Variants in GGH observed in about 807,000 individuals in gnomAD.
GGH encodes the protein gamma-Glu-X carboxypeptidase.
Under a neutral mutation model 39.2 loss-of-function variants are expected in GGH, and 18 were observed. The ratio of observed to expected loss-of-function variants is 0.46; its 90% confidence interval spans 0.32 to 0.68. The LOEUF is 0.68. Ranked by LOEUF, GGH falls within the 30% of genes least tolerant of loss-of-function variation. GGH has a pLI of 0.04. For missense variants in GGH, 367 were observed against 384.1 expected, an observed-to-expected ratio of 0.96 and a Z score of 0.37; for synonymous variants, 147 against 138.8, an observed-to-expected ratio of 1.06 and a Z score of -0.42.
chr8:63,023,485 A>C (rs1224528723), intron 7 of GGH: 1 of 153,356 alleles, frequency 6.5e-6, no homozygotes, highest in Non-Finnish European at 1.4e-5. Context: ...CACTGGTTTA[A>C]ATATTCCACT....
chr8:63,020,473 A>G (rs1332311036), intron 7 of GGH, among the ~76,000 whole-genome samples: 1 of 152,210 alleles, frequency 6.6e-6, no homozygotes, highest in Non-Finnish European at 1.5e-5. Flanking sequence ...TAGAGGGATG[A>G]CAGAACAAGA....
chr8:63,034,495 T>G (rs565161593), intron 2 of GGH, among the ~76,000 whole-genome samples: 3 of 152,282 alleles, frequency 2.0e-5, no homozygotes, highest in African/African-American at 7.2e-5. Flanking sequence ...ATGTGTGAAA[T>G]CACTCAAAAT....
At chr8:63,018,412 G>A (rs964015753) in intron 7 of GGH, among the ~76,000 whole-genome samples, 1 of 152,134 alleles carries the variant, frequency 6.6e-6, no homozygotes, top group Non-Finnish European at 1.5e-5. Flanking sequence ...CTTTGGAATT[G>A]TAACCATGAC....
intron 3 of GGH, among the ~76,000 whole-genome samples, chr8:63,029,506 T>C (rs1302884555): frequency 2.0e-5 from 3 of 152,178 alleles, no homozygotes; most frequent in South Asian, 4.1e-4. Context: ...TAAGTCTTCA[T>C]GCAAGGTGGG....
rs374588826 is a variant in GGH at position 63,024,072 on chromosome 8, T to C, written c.606+8A>G. 6 of 1,568,844 alleles carry C rather than the reference T, an allele frequency of 3.8e-6. No individual in the cohort carries two copies. The African/African-American group carries it at 6.8e-5, about 18-fold the overall frequency. On this transcript the variant is annotated splice_region_variant and intron_variant, in intron 6 of 8. Coordinates refer to ENST00000260118, the MANE Select transcript of GGH (RefSeq NM_003878.3). ...CATATTAATTTCATTGTGTAATTAG[T>C]GTGATACCTTCACGGAGAGGCTCCA...
chr8:63,028,467 C>T (rs1804738082), intron 3 of GGH: 1 of 152,166 alleles, frequency 6.6e-6, no homozygotes, highest in Non-Finnish European at 1.5e-5. Context: ...ATATGACAAA[C>T]TCCTTAAAGC....
At chr8:63,028,963 T>A (rs1563669500) in intron 3 of GGH, among the ~76,000 whole-genome samples, 2 of 152,224 alleles carry the variant, frequency 1.3e-5, no homozygotes, top group African/African-American at 4.8e-5. Context: ...CCAAAGTACC[T>A]TGCACACAGC....
Position 63,027,268 on chromosome 8 carries a change from G to A in GGH, c.276-3C>T. ...CACTTCCTCCAGGGAAAAGGATTCTGAAACAACGTTACATAAATCAAATAG... is the reference window on the plus strand; with the variant it reads ...CACTTCCTCCAGGGAAAAGGATTCTAAAACAACGTTACATAAATCAAATAG... On this transcript the variant is annotated splice_polypyrimidine_tract_variant and splice_region_variant and intron_variant, in intron 3 of 8. Transcript: ENST00000260118. 1.3e-6 allele frequency: 2 copies of A among 1,564,558 alleles called. No homozygotes were observed. Among genetic ancestry groups the A allele is most frequent in the Middle Eastern group, 1.7e-4 (1 of 5,992 alleles).
chr8:63,024,121 G>T lies in GGH; in HGVS notation c.565C>A (p.Pro189Thr). 1 of 1,610,190 alleles carries T rather than the reference G, an allele frequency of 6.2e-7. No individual in the cohort carries two copies. Among genetic ancestry groups the T allele is most frequent in the Non-Finnish European group, 8.5e-7 (1 of 1,176,596 alleles). Reference protein sequence around the residue: ...TELLLSLAVEPLTANFHKWSL... With the variant: ...TELLLSLAVETLTANFHKWSL... Reference sequence around the variant, plus strand: ...CACTTATGGAAATTGGCAGTCAGAGGTTCTACTGCTAATGACAGCAACAAC... The same window carrying T: ...CACTTATGGAAATTGGCAGTCAGAGTTTCTACTGCTAATGACAGCAACAAC... The change falls in exon 6 of 9, where the codon CCT becomes ACT. Residue 189 changes from proline to threonine, a missense_variant. Physicochemically the swap from Pro to Thr is conservative, Grantham distance 38. Coordinates refer to ENST00000260118, the MANE Select transcript of GGH (RefSeq NM_003878.3).
chr8:63,017,548 AT>A lies in GGH; in HGVS notation c.779del (p.His260LeufsTer6). On this transcript the variant is annotated frameshift_variant, in exon 8 of 9. Transcript: ENST00000260118. LOFTEE classifies it high-confidence loss of function. ...YEWKNLDGIS[H>X]APNAVKTAFY... Reference sequence around the variant, plus strand: ...ATGCGGTTTTCACAGCATTAGGTGCATGGGAAATGCCATCCAAATTCTTCCA... The same window carrying A: ...ATGCGGTTTTCACAGCATTAGGTGCAGGGAAATGCCATCCAAATTCTTCCA... 6.2e-7 allele frequency: 1 copy of A among 1,611,470 alleles called. No individual in the cohort carries two copies. The highest frequency in any genetic ancestry group is 1.1e-5 in the South Asian group (1 of 91,022).
chr8:63,036,770 G>A (rs562829313), intron 1 of GGH, among the ~76,000 whole-genome samples: 2 of 152,288 alleles, frequency 1.3e-5, no homozygotes, highest in African/African-American at 2.4e-5. Flanking sequence ...TGCCTGTCAC[G>A]TTGCAAGGAA....
In GGH at chr8:63,038,775, C is replaced by G. The variant is rs912566113; in HGVS notation, c.-7G>C. 1 of 1,467,250 alleles carries G rather than the reference C, an allele frequency of 6.8e-7. No individual in the cohort carries two copies. The highest frequency in any genetic ancestry group is 1.3e-5 in the South Asian group (1 of 78,844). 90.9% of individuals were successfully genotyped at this position (1,467,250 alleles called of 1,614,324 possible). A position where few individuals can be genotyped will look rare whatever the true frequency, so the allele number is the denominator to read the frequency against. On this transcript the variant is annotated 5_prime_UTR_variant, in exon 1 of 9. Coordinates refer to ENST00000260118, the MANE Select transcript of GGH (RefSeq NM_003878.3). Reference sequence around the variant, plus strand: ...GGCAGCCCGGACTGGCCATGGCGCTCGCCGCCTCCCGCCGCCTTTCAAAAG... The same window carrying G: ...GGCAGCCCGGACTGGCCATGGCGCTGGCCGCCTCCCGCCGCCTTTCAAAAG...
intron 4 of GGH, 93 bp downstream of exon 4, chr8:63,027,088 G>T: frequency 1.3e-6 from 1 of 757,228 alleles, no homozygotes. Flanking sequence ...GGGTAATTTT[G>T]AAGGGAGCAT....
At chr8:63,032,899 T>C (rs1172551101) in intron 2 of GGH, among the ~76,000 whole-genome samples, 4 of 152,162 alleles carry the variant, frequency 2.6e-5, no homozygotes, top group Non-Finnish European at 5.9e-5. Flanking sequence ...ATCATCCTTA[T>C]ATATTTCTTC....
At position 63,015,442 on chromosome 8, in the gene GGH, T is replaced by G. The variant is rs775470246; in HGVS notation, c.847A>C (p.Asn283His). 13 of 1,545,172 alleles carry G rather than the reference T, an allele frequency of 8.4e-6. No individual in the cohort carries two copies. Among genetic ancestry groups the G allele is most frequent in the Non-Finnish European group, 1.1e-5 (13 of 1,135,184 alleles). The change falls in exon 9 of 9, where the codon AAC becomes CAC. Residue 283 changes from asparagine (N) to histidine (H), a missense_variant. Transcript: ENST00000260118. ...EFFVNEARKN[N>H]HHFKSESEEE... ...TCAGATTCAGATTTAAAATGATGGT[T>G]GTTTTTCCGAGCTGCAAGAAAAAAA...
At chr8:63,033,470 G>C (rs1034496939) in intron 2 of GGH, among the ~76,000 whole-genome samples, 1 of 152,064 alleles carries the variant, frequency 6.6e-6, no homozygotes, top group Non-Finnish European at 1.5e-5. Flanking sequence ...ATTCAGTCTT[G>C]GTAGACTGTG....
Position 63,027,245 on chromosome 8 carries a change from C to T in GGH, c.296G>A (p.Ser99Asn). Residue 99 changes from serine (S) to asparagine (N), a missense_variant, in exon 4 of 9, where the codon AGT becomes AAT. By Grantham distance (46) the Ser-to-Asn change is conservative. Transcript: ENST00000260118. ...ATAATCTGAGCGTCTGAGGTCAACACTTCCTCCAGGGAAAAGGATTCTGAA... is the reference window on the plus strand; with the variant it reads ...ATAATCTGAGCGTCTGAGGTCAACATTTCCTCCAGGGAAAAGGATTCTGAA... ...SINGILFPGGSVDLRRSDYAK... is the reference protein window; with the variant it reads ...SINGILFPGGNVDLRRSDYAK... The T allele has an allele frequency of 2.5e-6, 4 of 1,596,892 alleles. No individual in the cohort carries two copies. Among genetic ancestry groups the T allele is most frequent in the Non-Finnish European group, 3.4e-6 (4 of 1,164,578 alleles).
intron 8 of GGH, among the ~76,000 whole-genome samples, chr8:63,015,766 C>G (rs1804476609): frequency 6.6e-6 from 1 of 152,112 alleles, no homozygotes; most frequent in Non-Finnish European, 1.5e-5. Flanking sequence ...AGCAGCTGTG[C>G]TGTACTCCCC....
intron 7 of GGH, among the ~76,000 whole-genome samples, chr8:63,020,193 C>T (rs1233619548): frequency 6.6e-6 from 1 of 152,086 alleles, no homozygotes; most frequent in Non-Finnish European, 1.5e-5. Flanking sequence ...TCATGCCCTG[C>T]CTCACTGATT....
Sources: gnomAD v4.1 joint callset for allele counts (sites outside exome capture counted in the v4.1 genomes callset) on GRCh38, gnomAD v4.1.1 for gene constraint, MANE v1.5 for transcripts, NCBI Gene and HGNC (gene_info 2026-07-23, HGNC 2026-07-21) for gene names.